The following FBLN1 variants were observed in gnomAD, a reference collection of about 807,000 sequenced individuals.
FBLN1 encodes the protein fibulin 1.
In FBLN1, 34 loss-of-function variants were observed where a neutral mutation model predicts 89.7. The observed-to-expected ratio is 0.38, with a 90% CI of 0.29 to 0.50. The LOEUF (loss-of-function observed/expected upper bound fraction) is 0.50, where lower values mean the gene tolerates loss of function less well. FBLN1 is among the 20% of genes least tolerant of loss of function. The probability of loss-of-function intolerance (pLI) is 0.92; values close to 1 mark genes in which losing one functional copy is unlikely to be tolerated. For synonymous variants in FBLN1, 393 were observed against 391.3 expected (o/e 1.00, Z -0.05); for missense variants, 777 against 988.1 (o/e 0.79, Z 2.86).
At chr22:45,555,248 C>CATATATATATAT (rs71779159) in intron 14 of FBLN1, among the ~76,000 whole-genome samples, 12 of 135,098 alleles carry the variant, frequency 8.9e-5, no homozygotes, top group African/African-American at 3.5e-4. Flanking sequence ...ATGGAATATA[C>CATATATATATAT]ATATATATAT....
At chr22:45,518,601 G>A (rs140441043) in intron 1 of FBLN1, 81 bp from the exon 2 acceptor site, 405 of 982,548 alleles carry the variant, frequency 4.1e-4, no homozygotes, top group Non-Finnish European at 5.7e-4. Context: ...AAGGACGTGC[G>A]TGTCCTGGTG....
At chr22:45,541,810 A>G (rs959189363) in intron 9 of FBLN1, among the ~76,000 whole-genome samples, 2 of 152,120 alleles carry the variant, frequency 1.3e-5, no homozygotes, top group Non-Finnish European at 2.9e-5. Flanking sequence ...ACCTGCTCCT[A>G]CGTTCCTTTG....
intron 14 of FBLN1, among the ~76,000 whole-genome samples, chr22:45,559,131 C>T (rs2088823835): frequency 6.6e-6 from 1 of 152,152 alleles, no homozygotes; most frequent in African/African-American, 2.4e-5. Context: ...TTCTGGTGGG[C>T]CTTGGAACAG....
rs190151093 is a variant in FBLN1 at position 45,506,896 on chromosome 22, A to G, written c.79+3832A>G. On this transcript the variant is annotated intron_variant, in intron 1 of 16. Transcript: ENST00000327858. ...AACAGTTCTAAGAGGGCATGTAGTT[A>G]TTTTGCCAGCATATTTTATACAACA... Among the ~76,000 whole-genome samples, 442 of 152,332 alleles carry G rather than the reference A, an allele frequency of 2.9e-3. 1 individual carries two copies. The highest frequency in any genetic ancestry group is 0.01 in the African/African-American group (428 of 41,574).
At position 45,563,780 on chromosome 22, in the gene FBLN1, G is replaced by A. The variant is rs2147014006; in HGVS notation, c.1698-10731G>A. 6.6e-6 allele frequency among the ~76,000 whole-genome samples: 1 copy of A among 152,306 alleles called. No individual in the cohort carries two copies. Among genetic ancestry groups the A allele is most frequent in the Non-Finnish European group, 1.5e-5 (1 of 68,036 alleles). ...TCTGCTGGCCCCTGCCTGGTTCTTT[G>A]CTGTATCCCCGGAGGTGAGCATTTC... On this transcript the variant is annotated intron_variant, in intron 14 of 16. Transcript: ENST00000327858. This position sits in a 1 kb window ranked among gnomAD's most constrained non-coding sequence, Gnocchi z 5.7.
chr22:45,581,535 C>T lies in FBLN1; in HGVS notation c.1972+4427C>T, dbSNP rs16994265. On this transcript the variant is annotated intron_variant, in intron 16 of 16. Coordinates refer to ENST00000327858, the MANE Select transcript of FBLN1 (RefSeq NM_006486.3). The surrounding 1 kb of genome is among the most constrained non-coding windows in gnomAD (Gnocchi z 7.6). Reference sequence around the variant, plus strand: ...TCTGTTAAAACCCTGCCAATGCCAACAGGAGCTACAGAGCCTGCAGGTGAA... The same window carrying T: ...TCTGTTAAAACCCTGCCAATGCCAATAGGAGCTACAGAGCCTGCAGGTGAA... 0.14 allele frequency among the ~76,000 whole-genome samples: 21,913 copies of T among 152,160 alleles called. 1,942 individuals are homozygous for T. The highest frequency in any genetic ancestry group is 0.25 in the African/African-American group (10,202 of 41,466).
chr22:45,548,550 C>T (rs2088660552), intron 12 of FBLN1, 63 bp from the exon 13 acceptor site: 3 of 1,606,076 alleles, frequency 1.9e-6, no homozygotes, highest in African/African-American at 1.3e-5. Flanking sequence ...GGCGATGTAG[C>T]ATGGCCAGCA....
intron 11 of FBLN1, among the ~76,000 whole-genome samples, chr22:45,544,585 G>T (rs1184994263): frequency 6.6e-6 from 1 of 152,232 alleles, no homozygotes; most frequent in Admixed American, 6.5e-5. Context: ...TAAGGAACAT[G>T]GAGGTCAGCG....
chr22:45,525,101 GGGAA>G (rs2088303641), intron 2 of FBLN1, among the ~76,000 whole-genome samples: 1 of 138,758 alleles, frequency 7.2e-6, no homozygotes, highest in African/African-American at 2.7e-5. Context: ...AAGAGAGAAA[GGGAA>G]AGAGAGAGAG....
chr22:45,550,426 C>T lies in FBLN1; in HGVS notation c.1574-66C>T, dbSNP rs982791396. On this transcript the variant is annotated intron_variant, in intron 13 of 16. Coordinates refer to ENST00000327858, the MANE Select transcript of FBLN1 (RefSeq NM_006486.3). The surrounding 1 kb of genome is among the most constrained non-coding windows in gnomAD (Gnocchi z 8.4). ...AGTTGATGGGAGGCCTGGGCTCCTC[C>T]GTCTCCAGATGGGTATGGCTCCTGC... 7.3e-5 allele frequency: 117 copies of T among 1,611,800 alleles called. No homozygotes were observed. Among genetic ancestry groups the T allele is most frequent in the African/African-American group, 1.2e-4 (9 of 74,908 alleles).
Position 45,550,599 on chromosome 22 carries a change from C to T in FBLN1, c.1681C>T (p.Arg561Cys), listed in dbSNP as rs1254854313. 8.1e-6 allele frequency: 13 copies of T among 1,613,970 alleles called. No individual in the cohort carries two copies. The highest frequency in any genetic ancestry group is 2.2e-5 in the East Asian group (1 of 44,898). ...CLAFECPENY[R>C]RSAATLQQEK... is the part of the protein sequence containing the mutation. The stretch of plus-strand genomic sequence containing the variant: ...GGCCTTCGAGTGCCCTGAGAACTAC[C>T]GCCGCTCCGCAGCCACGTAAGTCCC... The change falls in exon 14 of 17, where the codon CGC becomes TGC. Residue 561 changes from arginine (R) to cysteine (C), a missense_variant. Transcript: ENST00000327858. The surrounding 1 kb of genome is among the most constrained non-coding windows in gnomAD (Gnocchi z 8.4).
rs757321963 is a variant in FBLN1, at chr22:45,528,082, G to GGA, written c.484+84_484+85dup. ...CGGGATGTGTATATAGAGCGAGAGT[G>GGA]GAGAGAGAGAGATTTTAAGGACTTG... On this transcript the variant is annotated intron_variant, in intron 4 of 16. Coordinates refer to ENST00000327858, the MANE Select transcript of FBLN1 (RefSeq NM_006486.3). The GGA allele has an allele frequency of 1.4e-5, 22 of 1,537,148 alleles. No homozygotes were observed. The East Asian group carries it at 4.5e-4, about 32-fold the overall frequency.
Position 45,531,643 on chromosome 22 carries a change from C to A in FBLN1, c.544+319C>A, listed in dbSNP as rs1211105759. The stretch of plus-strand genomic sequence containing the variant: ...AAAGTACCCTTTGGCTGGGAGCCAG[C>A]CATGAGCCACTTCCACCCTGAGGAG... On this transcript the variant is annotated intron_variant, in intron 5 of 16. Coordinates refer to ENST00000327858, the MANE Select transcript of FBLN1 (RefSeq NM_006486.3). The surrounding 1 kb of genome is among the most constrained non-coding windows in gnomAD (Gnocchi z 4.9). 6.6e-6 allele frequency among the ~76,000 whole-genome samples: 1 copy of A among 152,262 alleles called. No homozygotes were observed. The highest frequency in any genetic ancestry group is 2.4e-5 in the African/African-American group (1 of 41,470).
chr22:45,533,723 C>T, intron 6 of FBLN1, 38 bp from the exon 7 acceptor site: 4 of 1,604,690 alleles, frequency 2.5e-6, no homozygotes, highest in Non-Finnish European at 3.4e-6. Context: ...ATGGGTCGTT[C>T]TTGCTGGTCA....
At position 45,532,140 on chromosome 22, in the gene FBLN1, C is replaced by G. The variant is rs1479767672; in HGVS notation, c.544+816C>G. ...GTGTTAATTAGGGGCCAGTTTAATTCTTAAATGATGCAGTCAGTGTACAGT... is the reference window on the plus strand; with the variant it reads ...GTGTTAATTAGGGGCCAGTTTAATTGTTAAATGATGCAGTCAGTGTACAGT... On this transcript the variant is annotated intron_variant, in intron 5 of 16. Transcript: ENST00000327858. The surrounding 1 kb of genome is among the most constrained non-coding windows in gnomAD (Gnocchi z 4.2). Among the ~76,000 whole-genome samples, 1 of 152,144 alleles carries G rather than the reference C, an allele frequency of 6.6e-6. No homozygotes were observed. Among genetic ancestry groups the G allele is most frequent in the Non-Finnish European group, 1.5e-5 (1 of 68,028 alleles).
chr22:45,536,713 T>C lies in FBLN1; in HGVS notation c.922+1376T>C, dbSNP rs959753240. The stretch of plus-strand genomic sequence containing the variant: ...CTGGGAGGCAGAGGTTGCAGTGAGC[T>C]GAGATCACGCCACTGTACTCCAGCC... On this transcript the variant is annotated intron_variant, in intron 8 of 16. Transcript: ENST00000327858. The surrounding 1 kb of genome is among the most constrained non-coding windows in gnomAD (Gnocchi z 5.1). Among the ~76,000 whole-genome samples the C allele has an allele frequency of 6.6e-5, 10 of 151,292 alleles. No individual in the cohort carries two copies. Among genetic ancestry groups the C allele is most frequent in the Admixed American group, 1.3e-4 (2 of 15,182 alleles).
In FBLN1 at chr22:45,568,600, C is replaced by T. The variant is rs756413304; in HGVS notation, c.1698-5911C>T. 2.4e-3 allele frequency among the ~76,000 whole-genome samples: 67 copies of T among 27,640 alleles called. 3 individuals are homozygous for T. Among genetic ancestry groups the T allele is most frequent in the African/African-American group, 3.8e-3 (31 of 8,148 alleles). The allele number at this position is 27,640 out of a possible 152,430, so 18.1% of individuals were successfully genotyped here. A position where few individuals can be genotyped will look rare whatever the true frequency, so the allele number is the denominator to read the frequency against. On this transcript the variant is annotated intron_variant, in intron 14 of 16. Transcript: ENST00000327858. ...GAGAATGCTCCTGTAGGGGAATGCT[C>T]CTTCTGTAAGGGAATGCTCCTCCTG...
In FBLN1 at chr22:45,577,216, C is replaced by A; in HGVS notation, c.1972+108C>A. 1 of 1,306,886 alleles carries A rather than the reference C, an allele frequency of 7.7e-7. No individual in the cohort carries two copies. The highest frequency in any genetic ancestry group is 1.4e-5 in the African/African-American group (1 of 69,144). The allele number at this position is 1,306,886 out of a possible 1,614,324, so 81.0% of individuals were successfully genotyped here. ...TCTGAGTCCCCTCCCCAAATTCAAG[C>A]CCACCCAACCTTCAGGGCCCAGCGC... On this transcript the variant is annotated intron_variant, in intron 16 of 16. Transcript: ENST00000327858. The surrounding 1 kb of genome is among the most constrained non-coding windows in gnomAD (Gnocchi z 6.6).
intron 1 of FBLN1, among the ~76,000 whole-genome samples, chr22:45,515,139 C>G (rs574924710): frequency 3.2e-4 from 48 of 152,276 alleles, no homozygotes; most frequent in African/African-American, 1.1e-3. Flanking sequence ...TGTCTGTAGG[C>G]CTTTGTGGGT....
Sources: gnomAD v4.1 joint callset for allele counts (sites outside exome capture counted in the v4.1 genomes callset) on GRCh38, gnomAD v4.1.1 for gene constraint, Gnocchi (gnomAD v3.1) non-coding constraint, MANE v1.5 for transcripts, NCBI Gene and HGNC (gene_info 2026-07-23, HGNC 2026-07-21) for gene names.